Variants in NFATC1 observed in about 807,000 individuals in gnomAD.
The protein encoded by NFATC1 is nuclear factor of activated T cells 1.
In NFATC1, 22 loss-of-function variants were observed where a neutral mutation model predicts 76.0. That is an observed-to-expected ratio of 0.29 (90% CI 0.21 to 0.41). The LOEUF (loss-of-function observed/expected upper bound fraction) is 0.41. Ranked by LOEUF, NFATC1 falls within the 10% of genes least tolerant of loss-of-function variation. The pLI is 1.00. For missense variants in NFATC1, 1,357 were observed against 1,337.7 expected, an observed-to-expected ratio of 1.01 and a Z score of -0.23; for synonymous variants, 704 against 613.1, an observed-to-expected ratio of 1.15 and a Z score of -2.19.
At chr18:79,446,369 T>C (rs930529016) in intron 3 of NFATC1, among the ~76,000 whole-genome samples, 120 of 152,290 alleles carry the variant, frequency 7.9e-4, no homozygotes, top group African/African-American at 2.7e-3. Flanking sequence ...CACGTGACCC[T>C]GGAGCTGCCC....
rs879161151 is a variant in NFATC1, at chr18:79,504,801, G to A, written c.2782+17864G>A. Among the ~76,000 whole-genome samples the A allele has an allele frequency of 4.0e-5, 6 of 151,758 alleles. No individual in the cohort carries two copies. In the South Asian group the frequency reaches 1.3e-3, roughly 32 times the overall value. On this transcript the variant is annotated intron_variant, in intron 9 of 9. Coordinates refer to ENST00000427363, the MANE Select transcript of NFATC1 (RefSeq NM_001278669.2). ...GGAGGAGGTGGTGCTGGAGGCCCTTGGGTGAGGGAAGAGGCAGGAGACTGC... is the reference window on the plus strand; with the variant it reads ...GGAGGAGGTGGTGCTGGAGGCCCTTAGGTGAGGGAAGAGGCAGGAGACTGC...
chr18:79,435,064 G>A (rs986891073), intron 3 of NFATC1, among the ~76,000 whole-genome samples: 4 of 152,162 alleles, frequency 2.6e-5, no homozygotes, highest in East Asian at 3.9e-4. Flanking sequence ...TCCCTGCCTC[G>A]GTTTTTACTG....
rs537250236 is a variant in NFATC1, at chr18:79,396,440, G to C, written c.127+89G>C. On this transcript the variant is annotated intron_variant, in intron 1 of 9. Coordinates refer to ENST00000427363, the MANE Select transcript of NFATC1 (RefSeq NM_001278669.2). Reference sequence around the variant, plus strand: ...CGACCCCGCCCCCGTCGCCCGCACGGAGGGGTCCGGGCCAGAGAACGAGGT... The same window carrying C: ...CGACCCCGCCCCCGTCGCCCGCACGCAGGGGTCCGGGCCAGAGAACGAGGT... The C allele has an allele frequency of 2.2e-3, 1,967 of 901,544 alleles. 30 individuals are homozygous for C. In the African/African-American group the frequency reaches 0.029, roughly 13 times the overall value. 55.8% of individuals were successfully genotyped at this position (901,544 alleles called of 1,614,324 possible).
At chr18:79,417,502 GGGAGATGGGCTGGGCA>G in intron 2 of NFATC1, among the ~76,000 whole-genome samples, 1 of 21,004 alleles carries the variant, frequency 4.8e-5, no homozygotes, top group Admixed American at 3.9e-4. Flanking sequence ...GGTGGGAGAT[GGGAGATGGGCTGGGCA>G]GGAGATGGGC....
intron 8 of NFATC1, among the ~76,000 whole-genome samples, chr18:79,474,732 G>A (rs538645355): frequency 9.7e-4 from 144 of 148,268 alleles, no homozygotes; most frequent in African/African-American, 3.3e-3. Flanking sequence ...GCTCACTGTC[G>A]ACATTGTAAA....
intron 9 of NFATC1, among the ~76,000 whole-genome samples, chr18:79,504,173 C>T (rs1425038587): frequency 6.7e-6 from 1 of 150,332 alleles, no homozygotes; most frequent in African/African-American, 2.4e-5. Context: ...TAGAGTTTTC[C>T]GCTGCATTCA....
chr18:79,399,427 G>A (rs115196740), intron 1 of NFATC1, among the ~76,000 whole-genome samples: 3,611 of 152,320 alleles, frequency 0.024, 42 homozygotes, highest in African/African-American at 0.042. Context: ...GCCCGGGCCG[G>A]CTCCCCTCCG....
At chr18:79,504,608 T>C (rs994173104) in intron 9 of NFATC1, among the ~76,000 whole-genome samples, 1 of 152,248 alleles carries the variant, frequency 6.6e-6, no homozygotes, top group Admixed American at 6.5e-5. Context: ...CACAGAGATA[T>C]GAAGTGGGCA....
intron 9 of NFATC1, among the ~76,000 whole-genome samples, chr18:79,506,663 T>G (rs2145155792): frequency 6.6e-6 from 1 of 152,290 alleles, no homozygotes; most frequent in South Asian, 2.1e-4. Context: ...ATGACAGTGT[T>G]CATGACAGAA....
intron 3 of NFATC1, among the ~76,000 whole-genome samples, chr18:79,444,936 C>T (rs1246346022): frequency 1.3e-5 from 2 of 152,196 alleles, no homozygotes; most frequent in Non-Finnish European, 2.9e-5. Context: ...CACCGTGGAC[C>T]CCAGAGCCCG....
At chr18:79,436,135 C>T (rs932239728) in intron 3 of NFATC1, among the ~76,000 whole-genome samples, 4 of 152,350 alleles carry the variant, frequency 2.6e-5, no homozygotes, top group East Asian at 1.9e-4. Context: ...GGAAGCTCCT[C>T]GTAACCGCAG....
intron 2 of NFATC1, among the ~76,000 whole-genome samples, chr18:79,428,610 G>A (rs1295023321): frequency 1.3e-5 from 2 of 152,236 alleles, no homozygotes; most frequent in East Asian, 1.9e-4. Flanking sequence ...CAATGAGGAT[G>A]GTCCTTGTGA....
Position 79,486,373 on chromosome 18 carries a change from C to G in NFATC1, c.2218C>G (p.Pro740Ala). 1 of 1,613,034 alleles carries G rather than the reference C, an allele frequency of 6.2e-7. No individual in the cohort carries two copies. The highest frequency in any genetic ancestry group is 8.5e-7 in the Non-Finnish European group (1 of 1,179,998). The stretch of plus-strand genomic sequence containing the variant: ...CCAGCAGCTCGCGATGCCACCCGAC[C>G]CCAGCTCCTGCCTCGTGGCCGGCTT... ...YSQQLAMPPD[P>A]SSCLVAGFPP... is the part of the protein sequence containing the mutation. The change falls in exon 9 of 10, where the codon CCC (proline) becomes GCC (alanine). Residue 740 changes from proline to alanine, a missense_variant. This residue lies in a region of NFATC1 where 424 missense variants were observed against 395.4 expected (regional missense o/e 1.07). Transcript: ENST00000427363.
In NFATC1 at chr18:79,410,364, C is replaced by T. The variant is rs372143412; in HGVS notation, c.128-39C>T. The T allele has an allele frequency of 5.1e-6, 8 of 1,563,116 alleles. No homozygotes were observed. The highest frequency in any genetic ancestry group is 2.7e-5 in the African/African-American group (2 of 74,004). On this transcript the variant is annotated intron_variant, in intron 1 of 9. Coordinates refer to ENST00000427363, the MANE Select transcript of NFATC1 (RefSeq NM_001278669.2). This position sits in a 1 kb window ranked among gnomAD's most constrained non-coding sequence, Gnocchi z 6.7. ...TCATGGGTTTCTGCTTTGTGATGCC[C>T]AGCCCCTCATGCTCCCATCTGCTTC... is the stretch of plus-strand genomic sequence containing the variant.
chr18:79,461,607 C>T (rs545369382), intron 7 of NFATC1, among the ~76,000 whole-genome samples: 2 of 152,332 alleles, frequency 1.3e-5, no homozygotes, highest in African/African-American at 4.8e-5. Flanking sequence ...CCCTGGCGGC[C>T]GGGGACGGTG....
intron 3 of NFATC1, among the ~76,000 whole-genome samples, chr18:79,444,231 G>T (rs28723685): frequency 0.26 from 40,019 of 152,096 alleles, 5,610 homozygotes; most frequent in African/African-American, 0.37. Flanking sequence ...GCTCTGGGGG[G>T]GTGTGCACAT....
intron 9 of NFATC1, among the ~76,000 whole-genome samples, chr18:79,507,769 A>G (rs1600956583): frequency 1.3e-5 from 2 of 152,396 alleles, no homozygotes; most frequent in East Asian, 1.9e-4. Flanking sequence ...GCCCTCTGAA[A>G]TAGTAAACGT....
intron 1 of NFATC1, among the ~76,000 whole-genome samples, chr18:79,401,040 C>G (rs891762725): frequency 7.2e-6 from 1 of 138,456 alleles, no homozygotes; most frequent in Admixed American, 7.3e-5. Flanking sequence ...ATGACCCCAG[C>G]CTTTTCTTTC....
chr18:79,511,627 C>T (rs2090256189), intron 9 of NFATC1, among the ~76,000 whole-genome samples: 2 of 152,164 alleles, frequency 1.3e-5, no homozygotes, highest in Admixed American at 1.3e-4. Flanking sequence ...GGGGCTGTGC[C>T]TCCCGCCAGG....
Sources: gnomAD v4.1 joint callset for allele counts (sites outside exome capture counted in the v4.1 genomes callset) on GRCh38, gnomAD v4.1.1 for gene constraint, gnomAD v4.1.1 regional missense constraint, Gnocchi (gnomAD v3.1) non-coding constraint, MANE v1.5 for transcripts, NCBI Gene and HGNC (gene_info 2026-07-23, HGNC 2026-07-21) for gene names.